Variants in OXR1 observed in about 807,000 individuals in gnomAD.
OXR1 encodes the protein oxidation resistance 1, also known as oxidation resistance protein 1.
Under a neutral mutation model 104.6 loss-of-function variants are expected in OXR1, and 41 were observed. The observed-to-expected ratio is 0.39, with a 90% CI of 0.31 to 0.51. The LOEUF is 0.51. Among genes scored for constraint, OXR1 ranks in the 20% least tolerant of loss-of-function variants. The probability of loss-of-function intolerance (pLI) is 0.77; values close to 1 mark genes in which losing one functional copy is unlikely to be tolerated. For missense variants in OXR1, 955 were observed against 1,031.9 expected (o/e 0.93, Z 1.02); for synonymous variants, 348 against 348.4 (o/e 1.00, Z 0.01).
chr8:106,536,224 A>G (rs1814523377), intron 3 of OXR1, among the ~76,000 whole-genome samples: 1 of 114,340 alleles, frequency 8.7e-6, no homozygotes, highest in Non-Finnish European at 1.9e-5. Flanking sequence ...TGTCTCAAAA[A>G]AAAAAGAAAG....
chr8:106,363,523 A>T (rs1816335294), intron 2 of OXR1, among the ~76,000 whole-genome samples: 1 of 152,232 alleles, frequency 6.6e-6, no homozygotes, highest in African/African-American at 2.4e-5. Context: ...CCATTGTTTA[A>T]AACATTTATG....
chr8:106,603,782 G>A (rs1321425573), intron 3 of OXR1, among the ~76,000 whole-genome samples: 1 of 152,208 alleles, frequency 6.6e-6, no homozygotes, highest in Non-Finnish European at 1.5e-5. Context: ...GCCGGGCACA[G>A]TGGCTCACAC....
intron 1 of OXR1, among the ~76,000 whole-genome samples, chr8:106,308,140 GTTTCAA>G (rs772152008): frequency 5.9e-5 from 9 of 152,118 alleles, no homozygotes; most frequent in Non-Finnish European, 1.3e-4. Context: ...CAGTGGTATA[GTTTCAA>G]TCAAGGACAG....
At chr8:106,356,880 T>G (rs949492217) in intron 1 of OXR1, among the ~76,000 whole-genome samples, 1 of 151,978 alleles carries the variant, frequency 6.6e-6, no homozygotes, top group Admixed American at 6.6e-5. Context: ...ACCCAGAAAT[T>G]TAGAATAATA....
At chr8:106,387,958 A>AATTCTCTT (rs1817444867) in intron 2 of OXR1, among the ~76,000 whole-genome samples, 2 of 152,208 alleles carry the variant, frequency 1.3e-5, no homozygotes, top group South Asian at 2.1e-4. Context: ...CCAAGTTTAA[A>AATTCTCTT]ATTCTCTTAC....
In OXR1 at chr8:106,423,941, G is replaced by T. The variant is rs554933955; in HGVS notation, c.23+64305G>T. Reference sequence around the variant, plus strand: ...CCTAACTAGTCTTGATTTTTTGTTTGTTTTTGTTTTTTTGAGACAGAGTCT... The same window carrying T: ...CCTAACTAGTCTTGATTTTTTGTTTTTTTTTGTTTTTTTGAGACAGAGTCT... On this transcript the variant is annotated intron_variant, in intron 2 of 16. Coordinates refer to ENST00000517566, the MANE Select transcript of OXR1 (RefSeq NM_001198533.2). 2.6e-5 allele frequency among the ~76,000 whole-genome samples: 4 copies of T among 152,062 alleles called. No individual in the cohort carries two copies. In the East Asian group the frequency reaches 7.7e-4, roughly 29 times the overall value.
intron 3 of OXR1, among the ~76,000 whole-genome samples, chr8:106,585,020 A>G (rs1461044142): frequency 6.6e-6 from 1 of 152,192 alleles, no homozygotes; most frequent in Non-Finnish European, 1.5e-5. Context: ...ATAAAGAGAC[A>G]AAACATAATT....
chr8:106,444,197 T>A (rs1444984956), intron 2 of OXR1, among the ~76,000 whole-genome samples: 1 of 152,182 alleles, frequency 6.6e-6, no homozygotes, highest in African/African-American at 2.4e-5. Context: ...CAATAGATTC[T>A]AATGAGGCTG....
Position 106,729,267 on chromosome 8 carries a change from T to C in OXR1, c.1957-8253T>C, listed in dbSNP as rs567120851. On this transcript the variant is annotated intron_variant, in intron 11 of 16. Transcript: ENST00000517566. ...GTGCAAGTCAGAGCTGATTTTTTAA[T>C]CTAGGCATTCTGGCTCTAGCTGATG... Among the ~76,000 whole-genome samples, 48 of 152,284 alleles carry C rather than the reference T, an allele frequency of 3.2e-4. No individual in the cohort carries two copies. In the South Asian group the frequency reaches 9.5e-3, roughly 30 times the overall value.
chr8:106,462,682 CAG>C (rs965482045), intron 2 of OXR1, among the ~76,000 whole-genome samples: 12 of 152,192 alleles, frequency 7.9e-5, no homozygotes, highest in African/African-American at 2.6e-4. Flanking sequence ...GTGCAATAAA[CAG>C]AAACATTTGC....
rs890536627 is a variant in OXR1 at position 106,518,933 on chromosome 8, T to G, written c.24-10T>G. ...CAGGATTCATAGCATGTGGTCTTCT[T>G]TACTTGTAGGCTGAAGAAAAAGTCC... On this transcript the variant is annotated splice_polypyrimidine_tract_variant and intron_variant, in intron 2 of 16. Transcript: ENST00000517566. 1.3e-6 allele frequency: 2 copies of G among 1,541,594 alleles called. No individual in the cohort carries two copies. Among genetic ancestry groups the G allele is most frequent in the Non-Finnish European group, 1.8e-6 (2 of 1,140,318 alleles).
chr8:106,506,616 GA>G (rs948943321), intron 2 of OXR1, among the ~76,000 whole-genome samples: 36 of 150,564 alleles, frequency 2.4e-4, no homozygotes, highest in Admixed American at 3.9e-4. Flanking sequence ...ATCTCAAAAA[GA>G]AAAAAAGAGT....
intron 2 of OXR1, among the ~76,000 whole-genome samples, chr8:106,453,580 A>G (rs1313639830): frequency 2.0e-5 from 3 of 152,076 alleles, no homozygotes; most frequent in Non-Finnish European, 4.4e-5. Flanking sequence ...TATTCCTCCT[A>G]CCACCAGTTC....
chr8:106,732,997 C>T (rs1165450854), intron 11 of OXR1, among the ~76,000 whole-genome samples: 1 of 152,108 alleles, frequency 6.6e-6, no homozygotes, highest in Non-Finnish European at 1.5e-5. Context: ...GTGAGTCTAT[C>T]TGGGCCTTGT....
At chr8:106,581,167 G>A in intron 3 of OXR1, 1 of 1,275,412 alleles carries the variant, frequency 7.8e-7, no homozygotes, top group Non-Finnish European at 1.0e-6. Flanking sequence ...GAAATAGCAA[G>A]AACATTTGAA....
chr8:106,710,709 T>A lies in OXR1; in HGVS notation c.1712T>A (p.Val571Glu). Residue 571 changes from valine to glutamate, a missense_variant, in exon 10 of 17, where the codon GTA (valine) becomes GAA (glutamate). Around this residue, in one of 2 missense-constraint regions of OXR1, gnomAD observed 849 missense variants for 852.9 expected, o/e 1.00. Transcript: ENST00000517566. ...GGAAAACCAATGAGGAAAACGTTTG[T>A]ATCTCAAGCAAGTGCTACAATGCAA... ...RVGKPMRKTFVSQASATMQQY... is the reference protein window; with the variant it reads ...RVGKPMRKTFESQASATMQQY... The A allele has an allele frequency of 6.2e-7, 1 of 1,604,454 alleles. No homozygotes were observed. Among genetic ancestry groups the A allele is most frequent in the Non-Finnish European group, 8.5e-7 (1 of 1,174,724 alleles).
chr8:106,683,333 T>C, intron 5 of OXR1, 27 bp downstream of exon 5: 1 of 1,063,634 alleles, frequency 9.4e-7, no homozygotes, highest in Non-Finnish European at 1.5e-6. Context: ...AATGTGCTGA[T>C]GTTTAGAAAC....
chr8:106,678,354 T>C, intron 3 of OXR1, among the ~76,000 whole-genome samples: 1 of 152,048 alleles, frequency 6.6e-6, no homozygotes, highest in Non-Finnish European at 1.5e-5. Context: ...TAAATTTTCT[T>C]TGAAAACTAT....
chr8:106,561,433 C>T (rs890857944), intron 3 of OXR1, among the ~76,000 whole-genome samples: 3 of 152,186 alleles, frequency 2.0e-5, no homozygotes, highest in African/African-American at 7.2e-5. Context: ...TAGATTCCTT[C>T]TCTCTGGGCA....
Sources: gnomAD v4.1 joint callset for allele counts (sites outside exome capture counted in the v4.1 genomes callset) on GRCh38, gnomAD v4.1.1 for gene constraint, gnomAD v4.1.1 regional missense constraint, MANE v1.5 for transcripts, NCBI Gene and HGNC (gene_info 2026-07-23, HGNC 2026-07-21) for gene names.